AKAP6: variants seen among roughly 807,000 people sequenced by gnomAD.
The protein encoded by AKAP6 is A-kinase anchor protein 6.
In AKAP6, 58 loss-of-function variants were observed where a neutral mutation model predicts 188.5. That is an observed-to-expected ratio of 0.31 (90% CI 0.25 to 0.38). The LOEUF (loss-of-function observed/expected upper bound fraction) is 0.38, where lower values mean the gene tolerates loss of function less well. AKAP6 is among the 10% of genes least tolerant of loss of function. The probability of loss-of-function intolerance (pLI) is 1.00; values close to 1 mark genes in which losing one functional copy is unlikely to be tolerated. For missense variants in AKAP6, 2,710 were observed against 2,740.0 expected, an observed-to-expected ratio of 0.99 and a Z score of 0.24; for synonymous variants, 989 against 998.6, an observed-to-expected ratio of 0.99 and a Z score of 0.18.
chr14:32,571,868 C>T (rs1275000157), intron 4 of AKAP6, among the ~76,000 whole-genome samples: 5 of 152,124 alleles, frequency 3.3e-5, no homozygotes, highest in Non-Finnish European at 5.9e-5. Flanking sequence ...AAGCATGTAA[C>T]GCCCTTAAAT....
intron 12 of AKAP6, among the ~76,000 whole-genome samples, chr14:32,813,642 T>A (rs1457481360): frequency 6.6e-6 from 1 of 152,178 alleles, no homozygotes. Context: ...AGGCCAAATA[T>A]ATTTCCTATT....
chr14:32,572,383 T>C (rs1206472555), intron 4 of AKAP6, among the ~76,000 whole-genome samples: 1 of 152,230 alleles, frequency 6.6e-6, no homozygotes, highest in Non-Finnish European at 1.5e-5. Flanking sequence ...CGTTTAAAAA[T>C]CACCCTTCGA....
chr14:32,735,550 G>C, intron 10 of AKAP6, 108 bp from the exon 11 acceptor site: 1 of 774,526 alleles, frequency 1.3e-6, no homozygotes, highest in Non-Finnish European at 2.0e-6. Flanking sequence ...ACAAAACTGT[G>C]GTGTGTTTTT....
At chr14:32,741,826 T>TG (rs1194098616) in intron 11 of AKAP6, among the ~76,000 whole-genome samples, 1 of 146,418 alleles carries the variant, frequency 6.8e-6, no homozygotes, top group East Asian at 2.0e-4. Context: ...TAGGTTTTTT[T>TG]TTTTTTTTTT....
At chr14:32,388,891 A>T (rs749789928) in intron 1 of AKAP6, among the ~76,000 whole-genome samples, 1 of 152,046 alleles carries the variant, frequency 6.6e-6, no homozygotes, top group African/African-American at 2.4e-5. Flanking sequence ...GTATAGTTTA[A>T]ATCAATTGTT....
intron 7 of AKAP6, among the ~76,000 whole-genome samples, chr14:32,605,133 A>G (rs1056534739): frequency 3.0e-5 from 3 of 100,416 alleles, no homozygotes; most frequent in Non-Finnish European, 4.2e-5. Flanking sequence ...TTCATTTTCT[A>G]GAGACAAATA....
At chr14:32,710,607 AC>A (rs1039551001) in intron 9 of AKAP6, among the ~76,000 whole-genome samples, 2 of 152,036 alleles carry the variant, frequency 1.3e-5, no homozygotes, top group South Asian at 2.1e-4. Context: ...GCAATCACAG[AC>A]GAAAAAAAAC....
Position 32,824,783 on chromosome 14 carries a change from C to T in AKAP6, c.*10C>T, listed in dbSNP as rs1167268019. ...AAATATGCATAGGTAGAATGTACCC[C>T]CTCCCCAAGCATGAAAATCATCTCA... On this transcript the variant is annotated 3_prime_UTR_variant, in exon 13 of 14. Transcript: ENST00000280979. 3.1e-6 allele frequency: 5 copies of T among 1,600,688 alleles called. No individual in the cohort carries two copies. Among genetic ancestry groups the T allele is most frequent in the Middle Eastern group, 3.4e-4 (2 of 5,940 alleles).
rs776887767 is a variant in AKAP6, at chr14:32,823,337, A to T, written c.5524A>T (p.Thr1842Ser). The T allele has an allele frequency of 1.1e-5, 18 of 1,613,614 alleles. No individual in the cohort carries two copies. The highest frequency in any genetic ancestry group is 1.5e-5 in the Non-Finnish European group (18 of 1,179,866). Residue 1842 changes from threonine to serine, a missense_variant, in exon 13 of 14, where the codon ACT becomes TCT. Transcript: ENST00000280979. ...SSSEMTNPSD[T>S]LNIETLLNGS... ...CAGTGAGATGACCAATCCCTCTGAT[A>T]CTCTGAATATTGAGACCCTTCTAAA... is the stretch of plus-strand genomic sequence containing the variant.
chr14:32,719,764 A>T (rs528254668), intron 9 of AKAP6, among the ~76,000 whole-genome samples: 39 of 152,172 alleles, frequency 2.6e-4, no homozygotes, highest in Non-Finnish European at 4.9e-4. Flanking sequence ...CTCTTTCTTG[A>T]AATCTGAATA....
chr14:32,471,190 A>G (rs1344255231), intron 2 of AKAP6, among the ~76,000 whole-genome samples: 2 of 152,210 alleles, frequency 1.3e-5, no homozygotes, highest in African/African-American at 2.4e-5. Flanking sequence ...TGTATTTTGG[A>G]TTCTTTAAAA....
rs1335823394 is a variant in AKAP6 at position 32,835,076 on chromosome 14, GACACTAT to G, written c.*5275_*5281del. 3 of 152,234 alleles carry G rather than the reference GACACTAT, an allele frequency of 2.0e-5. No individual in the cohort carries two copies. In the East Asian group the frequency reaches 5.8e-4, roughly 29 times the overall value. The allele number at this position is 152,234 out of a possible 1,614,324, so 9.4% of individuals were successfully genotyped here. ...TGTTTCCATAGTCTACGGATGCTTTGACACTATACAAAGTTACGTACTTGCAACAAAA... is the reference window on the plus strand; with the variant it reads ...TGTTTCCATAGTCTACGGATGCTTTGACAAAGTTACGTACTTGCAACAAAA... On this transcript the variant is annotated 3_prime_UTR_variant, in exon 14 of 14. Coordinates refer to ENST00000280979, the MANE Select transcript of AKAP6 (RefSeq NM_004274.5).
rs945492338 is a variant in AKAP6 at position 32,609,877 on chromosome 14, T to A, written c.2730+9085T>A. ...TGAGGTCTCTCTCTCTCTCTCTCTC[T>A]CTGACACACACACACACACACACAC... is the stretch of plus-strand genomic sequence containing the variant. On this transcript the variant is annotated intron_variant, in intron 7 of 13. Transcript: ENST00000280979. 4.4e-3 allele frequency among the ~76,000 whole-genome samples: 487 copies of A among 110,730 alleles called. 3 individuals carry two copies. Among genetic ancestry groups the A allele is most frequent in the African/African-American group, 0.021 (457 of 21,266 alleles). 72.6% of individuals were successfully genotyped at this position (110,730 alleles called of 152,430 possible).
intron 1 of AKAP6, among the ~76,000 whole-genome samples, chr14:32,408,052 GCTTT>G (rs1410646101): frequency 6.6e-6 from 1 of 152,084 alleles, no homozygotes; most frequent in Non-Finnish European, 1.5e-5. Context: ...CAAATAATTG[GCTTT>G]CTAACACCCC....
intron 1 of AKAP6, among the ~76,000 whole-genome samples, chr14:32,374,379 A>T (rs1193209946): frequency 1.3e-5 from 2 of 152,244 alleles, no homozygotes; most frequent in Non-Finnish European, 2.9e-5. Context: ...GTTAAAAATG[A>T]TTAGACATTT....
At chr14:32,348,408 CTTTTGTTTCTTT>C (rs1214157804) in intron 1 of AKAP6, among the ~76,000 whole-genome samples, 3 of 88,718 alleles carry the variant, frequency 3.4e-5, no homozygotes, top group African/African-American at 2.0e-4. Context: ...TCTTTCTTTT[CTTTTGTTTCTTT>C]TTTTTTTTTT....
chr14:32,797,141 G>A (rs1287196487), intron 12 of AKAP6, among the ~76,000 whole-genome samples: 1 of 152,186 alleles, frequency 6.6e-6, no homozygotes, highest in East Asian at 1.9e-4. Flanking sequence ...ATGCTGGCAA[G>A]GTTGCAGAGA....
chr14:32,656,511 G>C lies in AKAP6; in HGVS notation c.2731-21800G>C, dbSNP rs868698863. Among the ~76,000 whole-genome samples the C allele has an allele frequency of 2.5e-4, 38 of 152,264 alleles. 1 individual carries two copies. Among genetic ancestry groups the C allele is most frequent in the African/African-American group, 8.4e-4 (35 of 41,568 alleles). ...AAAACTGACTCACCTGGGAAACTAAGATTTATTCAGTCCTCACTGGGCCTG... is the reference window on the plus strand; with the variant it reads ...AAAACTGACTCACCTGGGAAACTAACATTTATTCAGTCCTCACTGGGCCTG... On this transcript the variant is annotated intron_variant, in intron 7 of 13. Transcript: ENST00000280979.
intron 7 of AKAP6, among the ~76,000 whole-genome samples, chr14:32,611,029 A>T (rs141464462): frequency 1.5e-3 from 230 of 152,290 alleles, no homozygotes; most frequent in African/African-American, 5.4e-3. Flanking sequence ...GAATTAGGAA[A>T]CTACTACAAT....
Sources: gnomAD v4.1 joint callset for allele counts (sites outside exome capture counted in the v4.1 genomes callset) on GRCh38, gnomAD v4.1.1 for gene constraint, MANE v1.5 for transcripts, NCBI Gene and HGNC (gene_info 2026-07-23, HGNC 2026-07-21) for gene names.